SYNPO2: variants seen among roughly 807,000 people sequenced by gnomAD.
SYNPO2 encodes the protein synaptopodin-2.
SYNPO2 carries 56 observed loss-of-function variants against 85.0 expected under a neutral mutation model. That is an observed-to-expected ratio of 0.66 (90% CI 0.53 to 0.82). The LOEUF is 0.82. Ranked by LOEUF, SYNPO2 falls within the 40% of genes least tolerant of loss-of-function variation. The pLI is 0.00. For synonymous variants in SYNPO2, 602 were observed against 591.1 expected (o/e 1.02, Z -0.27); for missense variants, 1,575 against 1,534.2 (o/e 1.03, Z -0.44).
At chr4:118,894,427 CA>C (rs1732478876) in intron 1 of SYNPO2, among the ~76,000 whole-genome samples, 1 of 152,028 alleles carries the variant, frequency 6.6e-6, no homozygotes, top group African/African-American at 2.4e-5. Flanking sequence ...CTGTAAAGAT[CA>C]GGGGAACTGG....
chr4:119,011,803 C>T (rs531806878), intron 1 of SYNPO2, among the ~76,000 whole-genome samples: 25 of 152,076 alleles, frequency 1.6e-4, no homozygotes, highest in Non-Finnish European at 2.8e-4. Flanking sequence ...AATCTTAGCT[C>T]TCAAGGAATT....
intron 4 of SYNPO2, among the ~76,000 whole-genome samples, chr4:119,040,911 T>C (rs902823864): frequency 6.6e-6 from 1 of 152,192 alleles, no homozygotes; most frequent in African/African-American, 2.4e-5. Context: ...TTTAGAGTAA[T>C]TGATCCCCTT....
chr4:119,020,079 A>T (rs1363469940), intron 1 of SYNPO2, among the ~76,000 whole-genome samples: 2 of 152,178 alleles, frequency 1.3e-5, no homozygotes, highest in Non-Finnish European at 1.5e-5. Context: ...GATCTTAGGT[A>T]CACTAATACA....
At chr4:118,855,124 CAA>C (rs71595325) in intron 1 of SYNPO2, among the ~76,000 whole-genome samples, 145 of 137,146 alleles carry the variant, frequency 1.1e-3, no homozygotes, top group East Asian at 2.0e-3. Flanking sequence ...TTTACTAAAG[CAA>C]AAAAAAAAAA....
In SYNPO2 at chr4:118,992,791, C is replaced by T. The variant is rs550372805; in HGVS notation, c.106-30639C>T. 2.0e-5 allele frequency among the ~76,000 whole-genome samples: 3 copies of T among 152,294 alleles called. No homozygotes were observed. The South Asian group carries it at 6.2e-4, about 32-fold the overall frequency. The stretch of plus-strand genomic sequence containing the variant: ...TAGGTTTGGAGATCCTGACCTGGCT[C>T]AGCAAAGCTTCTGAGGTTGACTCTA... On this transcript the variant is annotated intron_variant, in intron 1 of 4. Coordinates refer to ENST00000307142, the MANE Select transcript of SYNPO2 (RefSeq NM_133477.3).
At chr4:118,917,492 C>T (rs1733380599) in intron 1 of SYNPO2, among the ~76,000 whole-genome samples, 1 of 152,044 alleles carries the variant, frequency 6.6e-6, no homozygotes, top group African/African-American at 2.4e-5. Flanking sequence ...AGAATTCAAC[C>T]ATGGTAATCT....
intron 4 of SYNPO2, chr4:119,032,507 A>G (rs576658868): frequency 3.0e-5 from 30 of 1,010,736 alleles, no homozygotes; most frequent in Non-Finnish European, 3.2e-5. Context: ...ACTAGTGTTA[A>G]AGGAATAAGG....
At position 119,057,989 on chromosome 4, in the gene SYNPO2, T is replaced by C. The variant is rs1739271015; in HGVS notation, c.*55T>C. 6.5e-6 allele frequency: 10 copies of C among 1,533,612 alleles called. No homozygotes were observed. In the Admixed American group the frequency reaches 1.9e-4, roughly 30 times the overall value. On this transcript the variant is annotated 3_prime_UTR_variant, in exon 5 of 5. Coordinates refer to ENST00000307142, the MANE Select transcript of SYNPO2 (RefSeq NM_133477.3). ...GTAGTTTTTTAAAAAAAACGCTCCTTTGTAGGGTTTTAAACTTTTCTAATA... is the reference window on the plus strand; with the variant it reads ...GTAGTTTTTTAAAAAAAACGCTCCTCTGTAGGGTTTTAAACTTTTCTAATA...
Position 119,026,792 on chromosome 4 carries a change from C to G in SYNPO2, c.423C>G (p.Pro141=), listed in dbSNP as rs1256644687. Residue 141 remains proline (P), a synonymous_variant, in exon 3 of 5, where the codon CCC becomes CCG. Transcript: ENST00000307142. ...TCGCCCCTGTCAAGACTGAAGTTCC[C>G]CTAGCTGAGAACCAAAGAAGTGGTC... ...FFLAPVKTEV[P]LAENQRSGPD... is the part of the protein sequence containing the mutation. 2 of 1,601,096 alleles carry G rather than the reference C, an allele frequency of 1.2e-6. No individual in the cohort carries two copies. Among genetic ancestry groups the G allele is most frequent in the East Asian group, 2.3e-5 (1 of 44,048 alleles).
chr4:118,851,899 T>G (rs1261114623), intron 1 of SYNPO2, among the ~76,000 whole-genome samples: 1 of 143,716 alleles, frequency 7.0e-6, no homozygotes, highest in Non-Finnish European at 1.5e-5. Flanking sequence ...TAATAGTCTT[T>G]TCAGAAAACT....
intron 1 of SYNPO2, among the ~76,000 whole-genome samples, chr4:118,863,887 A>G (rs779262298): frequency 2.0e-5 from 3 of 152,330 alleles, no homozygotes; most frequent in African/African-American, 4.8e-5. Context: ...GATTACAGGC[A>G]TGAGCCACTG....
intron 1 of SYNPO2, among the ~76,000 whole-genome samples, chr4:119,021,914 A>G (rs560789970): frequency 2.0e-4 from 30 of 152,214 alleles, no homozygotes; most frequent in Non-Finnish European, 4.0e-4. Flanking sequence ...CATAGACCTG[A>G]CCTCTCATTT....
intron 1 of SYNPO2, among the ~76,000 whole-genome samples, chr4:118,913,563 T>TTGTGTGTGTGTGTGTGTGTG (rs10686830): frequency 1.4e-5 from 2 of 147,272 alleles, no homozygotes. Flanking sequence ...CATTTATTGT[T>TTGTGTGTGTGTGTGTGTGTG]TGTGTGTGTG....
At chr4:119,013,167 C>T (rs979388753) in intron 1 of SYNPO2, among the ~76,000 whole-genome samples, 4 of 152,138 alleles carry the variant, frequency 2.6e-5, no homozygotes, top group African/African-American at 9.7e-5. Flanking sequence ...ACCACTTGCA[C>T]CTTAGCCCTT....
At chr4:119,000,530 A>G (rs900835573) in intron 1 of SYNPO2, among the ~76,000 whole-genome samples, 1 of 152,190 alleles carries the variant, frequency 6.6e-6, no homozygotes, top group African/African-American at 2.4e-5. Context: ...AGGGATCACC[A>G]CCCAGGATTA....
At chr4:118,939,769 A>T (rs1460529787) in intron 1 of SYNPO2, among the ~76,000 whole-genome samples, 1 of 152,176 alleles carries the variant, frequency 6.6e-6, no homozygotes, top group Non-Finnish European at 1.5e-5. Context: ...CCATCATATT[A>T]TAGATCTATT....
rs749864241 is a variant in SYNPO2 at position 119,027,138 on chromosome 4, A to C, written c.769A>C (p.Ser257Arg). ...NEKADPFLRS[S>R]KIIQISSGRE... ...GAAAGCAGACCCTTTCCTGAGGTCC[A>C]GCAAGATAATCCAGATCTCCAGTGG... Residue 257 changes from serine (S) to arginine (R), a missense_variant, in exon 3 of 5, where the codon AGC (serine) becomes CGC (arginine). This residue lies in a region of SYNPO2 where 1,508 missense variants were observed against 1,446.8 expected (regional missense o/e 1.04). Transcript: ENST00000307142. 6.2e-7 allele frequency: 1 copy of C among 1,614,230 alleles called. No individual in the cohort carries two copies. Among genetic ancestry groups the C allele is most frequent in the South Asian group, 1.1e-5 (1 of 91,078 alleles).
At chr4:119,008,951 A>G (rs184512035) in intron 1 of SYNPO2, among the ~76,000 whole-genome samples, 22 of 152,310 alleles carry the variant, frequency 1.4e-4, no homozygotes, top group African/African-American at 5.3e-4. Flanking sequence ...TTATGTAATA[A>G]TAGAGAGGAA....
At chr4:118,852,906 G>A (rs1731444228) in intron 1 of SYNPO2, among the ~76,000 whole-genome samples, 1 of 152,090 alleles carries the variant, frequency 6.6e-6, no homozygotes, top group African/African-American at 2.4e-5. Flanking sequence ...GGTTATTCAA[G>A]TCCTCCAAAT....
Sources: allele counts gnomAD v4.1 joint callset (sites outside exome capture counted in the v4.1 genomes callset), GRCh38; gene constraint gnomAD v4.1.1; regional missense constraint gnomAD v4.1.1; transcripts MANE v1.5; gene names NCBI Gene and HGNC (gene_info 2026-07-23, HGNC 2026-07-21).